EIF3L: variants seen among roughly 807,000 people sequenced by gnomAD.
EIF3L encodes eIEF associated protein HSPC021.
A neutral mutation model predicts 74.6 loss-of-function variants in EIF3L; 32 were observed. That is an observed-to-expected ratio of 0.43 (90% CI 0.32 to 0.58). The LOEUF (loss-of-function observed/expected upper bound fraction) is 0.58, where lower values mean the gene tolerates loss of function less well. Ranked by LOEUF, EIF3L falls within the 20% of genes least tolerant of loss-of-function variation. The pLI, the probability that EIF3L is intolerant of heterozygous loss-of-function variation, is 0.06. For missense variants in EIF3L, 474 were observed against 707.8 expected, an observed-to-expected ratio of 0.67 and a Z score of 3.75; for synonymous variants, 256 against 254.4, an observed-to-expected ratio of 1.01 and a Z score of -0.06.
intron 3 of EIF3L, among the ~76,000 whole-genome samples, chr22:37,852,698 TCACCCCTGC>T (rs1925290186): frequency 6.6e-6 from 1 of 152,106 alleles, no homozygotes; most frequent in Non-Finnish European, 1.5e-5. Flanking sequence ...GTTTTAGGCC[TCACCCCTGC>T]CACTCTCGTG....
chr22:37,861,700 A>T (rs1448475858), intron 5 of EIF3L, among the ~76,000 whole-genome samples: 1 of 151,908 alleles, frequency 6.6e-6, no homozygotes, highest in Non-Finnish European at 1.5e-5. Context: ...AAAAAAAAGT[A>T]AAGATTCCCT....
At position 37,874,484 on chromosome 22, in the gene EIF3L, A is replaced by G; in HGVS notation, c.866A>G (p.Gln289Arg). ...RLHSLLGDYY[Q>R]AIKVLENIEL... ...CACTCCCTGTTAGGAGATTACTACC[A>G]GGCCATCAAGGTGCTGGAGAACATC... is the stretch of plus-strand genomic sequence containing the variant. Residue 289 changes from glutamine to arginine, a missense_variant, in exon 9 of 13, where the codon CAG becomes CGG. By Grantham distance (43) the Gln-to-Arg change is conservative. Coordinates refer to ENST00000652021, the MANE Select transcript of EIF3L (RefSeq NM_016091.4). 6.2e-7 allele frequency: 1 copy of G among 1,614,184 alleles called. No individual in the cohort carries two copies. The highest frequency in any genetic ancestry group is 8.5e-7 in the Non-Finnish European group (1 of 1,180,008).
At chr22:37,851,602 GT>G in intron 3 of EIF3L, 112 bp downstream of exon 3, 1 of 483,562 alleles carries the variant, frequency 2.1e-6, no homozygotes, top group Non-Finnish European at 3.7e-6. Flanking sequence ...GGGTTGGGGG[GT>G]GGGGGTCTTT....
At chr22:37,858,328 G>A (rs550188984) in intron 4 of EIF3L, among the ~76,000 whole-genome samples, 1 of 144,404 alleles carries the variant, frequency 6.9e-6, no homozygotes, top group African/African-American at 2.6e-5. Context: ...GGGCTCAAGC[G>A]ATCCTCCCAC....
intron 7 of EIF3L, among the ~76,000 whole-genome samples, chr22:37,867,889 A>G (rs1318328349): frequency 6.8e-6 from 1 of 148,010 alleles, no homozygotes; most frequent in East Asian, 2.1e-4. Context: ...CAGGAGGCGG[A>G]GCTTGCAGAG....
At chr22:37,863,481 C>T in intron 7 of EIF3L, 136 bp downstream of exon 7, 1 of 686,544 alleles carries the variant, frequency 1.5e-6, no homozygotes, top group Non-Finnish European at 2.4e-6. Context: ...GCAGTAGACT[C>T]CAGTTTCAGC....
At chr22:37,865,847 G>A (rs909030856) in intron 7 of EIF3L, among the ~76,000 whole-genome samples, 4 of 152,282 alleles carry the variant, frequency 2.6e-5, no homozygotes, top group South Asian at 2.1e-4. Context: ...AGGATCATCC[G>A]TGCTGATTTT....
chr22:37,872,090 A>G (rs554275632), intron 8 of EIF3L, among the ~76,000 whole-genome samples: 5 of 152,068 alleles, frequency 3.3e-5, no homozygotes, highest in African/African-American at 1.2e-4. Context: ...TCACTTCTGT[A>G]ATTTGAATGA....
At chr22:37,871,523 A>G (rs1227725810) in intron 8 of EIF3L, among the ~76,000 whole-genome samples, 1 of 152,218 alleles carries the variant, frequency 6.6e-6, no homozygotes, top group Non-Finnish European at 1.5e-5. Context: ...TGTATAAGAC[A>G]TATATGAAAA....
intron 5 of EIF3L, among the ~76,000 whole-genome samples, chr22:37,861,511 C>T (rs1016199140): frequency 4.6e-5 from 7 of 152,028 alleles, no homozygotes; most frequent in African/African-American, 1.7e-4. Flanking sequence ...TGGTGAAACC[C>T]CGTCTCTACT....
At chr22:37,873,310 T>G (rs1222779287) in intron 8 of EIF3L, among the ~76,000 whole-genome samples, 1 of 150,988 alleles carries the variant, frequency 6.6e-6, no homozygotes, top group Non-Finnish European at 1.5e-5. Flanking sequence ...TTTGTTTTTT[T>G]TTTTTTGAGG....
intron 7 of EIF3L, among the ~76,000 whole-genome samples, chr22:37,866,839 T>A (rs1044015243): frequency 6.6e-6 from 1 of 150,808 alleles, no homozygotes; most frequent in Non-Finnish European, 1.5e-5. Flanking sequence ...AGCCATGAGG[T>A]GTAGTTTAAT....
At chr22:37,870,788 T>G (rs1045914653) in intron 8 of EIF3L, among the ~76,000 whole-genome samples, 2 of 152,204 alleles carry the variant, frequency 1.3e-5, no homozygotes, top group Admixed American at 1.3e-4. Flanking sequence ...TTTCTGCTTC[T>G]GCATTCAATC....
intron 7 of EIF3L, among the ~76,000 whole-genome samples, chr22:37,867,401 G>A (rs924586574): frequency 2.6e-5 from 4 of 152,120 alleles, no homozygotes; most frequent in South Asian, 2.1e-4. Context: ...GCTCACGCCT[G>A]TAATCTTAGC....
intron 1 of EIF3L, 27 bp downstream of exon 1, chr22:37,849,509 G>A (rs1419757543): frequency 1.3e-6 from 2 of 1,574,476 alleles, no homozygotes; most frequent in Non-Finnish European, 1.7e-6. Context: ...GGCGCGGTGG[G>A]CTCCACGACG....
In EIF3L at chr22:37,878,138, G is replaced by A. The variant is rs1235516747; in HGVS notation, c.1542G>A (p.Gln514=). Residue 514 remains glutamine (Q), a synonymous_variant, in exon 11 of 13, where the codon CAG becomes CAA. Coordinates refer to ENST00000652021, the MANE Select transcript of EIF3L (RefSeq NM_016091.4). ...TCTCAGCCCTGGATGGTGAATTTCAGTCAGCCTCAGAGGTTGACTTCTACA... is the reference window on the plus strand; with the variant it reads ...TCTCAGCCCTGGATGGTGAATTTCAATCAGCCTCAGAGGTTGACTTCTACA... The part of the protein sequence containing the change: ...SGISALDGEF[Q]SASEVDFYID... 3.1e-6 allele frequency: 5 copies of A among 1,612,882 alleles called. No individual in the cohort carries two copies. The highest frequency in any genetic ancestry group is 3.4e-6 in the Non-Finnish European group (4 of 1,179,314).
At chr22:37,883,247 G>C (rs963241495) in intron 11 of EIF3L, 1 of 142,050 alleles carries the variant, frequency 7.0e-6, no homozygotes, top group Non-Finnish European at 1.5e-5. Context: ...AGTGAGCCAA[G>C]ATCGTGCCAT....
At chr22:37,850,136 G>T in intron 2 of EIF3L, 73 bp downstream of exon 2, 1 of 1,563,804 alleles carries the variant, frequency 6.4e-7, no homozygotes, top group South Asian at 1.1e-5. Flanking sequence ...AACCAGCTCT[G>T]ACAGGCATCA....
rs953733145 is a variant in EIF3L at position 37,874,621 on chromosome 22, A to T, written c.906+97A>T. On this transcript the variant is annotated intron_variant, in intron 9 of 12. Transcript: ENST00000652021. ...TTAGGACAAATTTCCAGGAGAGGAA[A>T]GAGGACTGTTCCCTCAGGCCATTGA... 4.4e-6 allele frequency: 6 copies of T among 1,379,122 alleles called. No homozygotes were observed. In the African/African-American group the frequency reaches 8.7e-5, roughly 20 times the overall value. The allele number at this position is 1,379,122 out of a possible 1,614,324, so 85.4% of individuals were successfully genotyped here. A position where few individuals can be genotyped will look rare whatever the true frequency, so the allele number is the denominator to read the frequency against.
Sources: allele counts gnomAD v4.1 joint callset (sites outside exome capture counted in the v4.1 genomes callset), GRCh38; gene constraint gnomAD v4.1.1; transcripts MANE v1.5; gene names NCBI Gene and HGNC (gene_info 2026-07-23, HGNC 2026-07-21).